NCF4: variants seen among roughly 807,000 people sequenced by gnomAD.
NCF4 encodes the protein neutrophil cytosolic factor 4.
NCF4 carries 30 observed loss-of-function variants against 41.7 expected under a neutral mutation model. The observed-to-expected ratio is 0.72, with a 90% CI of 0.54 to 0.97. The LOEUF (loss-of-function observed/expected upper bound fraction) is 0.97. Ranked by LOEUF, NCF4 falls within the 50% of genes least tolerant of loss-of-function variation. NCF4 has a pLI of 0.00. For synonymous variants in NCF4, 195 were observed against 175.8 expected (o/e 1.11, Z -0.87); for missense variants, 432 against 460.9 (o/e 0.94, Z 0.57).
chr22:36,866,816 A>T (rs1939938066), intron 3 of NCF4, among the ~76,000 whole-genome samples: 1 of 152,156 alleles, frequency 6.6e-6, no homozygotes, highest in Non-Finnish European at 1.5e-5. Context: ...AGCTTGAGGA[A>T]TTGTTCATTC....
At chr22:36,867,995 G>A (rs1006200521) in intron 4 of NCF4, among the ~76,000 whole-genome samples, 3 of 152,328 alleles carry the variant, frequency 2.0e-5, no homozygotes, top group South Asian at 2.1e-4. Context: ...ATGGGTCTTG[G>A]CTGGGGGCCC....
intron 7 of NCF4, among the ~76,000 whole-genome samples, chr22:36,872,777 G>A (rs796430587): frequency 4.6e-5 from 5 of 107,584 alleles, no homozygotes; most frequent in African/African-American, 1.4e-4. Flanking sequence ...GTGGAGATGA[G>A]GGTGAAGGTG....
At chr22:36,875,006 G>A (rs1019133609) in intron 7 of NCF4, among the ~76,000 whole-genome samples, 80 of 152,266 alleles carry the variant, frequency 5.3e-4, no homozygotes, top group African/African-American at 1.8e-3. Flanking sequence ...CTCCGTGGGG[G>A]CAAGGACTTA....
intron 9 of NCF4, 123 bp downstream of exon 9, chr22:36,876,217 C>T (rs989204061): frequency 6.1e-5 from 62 of 1,014,912 alleles, no homozygotes; most frequent in African/African-American, 2.4e-4. Flanking sequence ...TCTTTTTATC[C>T]GCAGCCCAGC....
At chr22:36,870,245 A>G (rs1940020690) in intron 4 of NCF4, 170 bp from the exon 5 acceptor site, 5 of 943,928 alleles carry the variant, frequency 5.3e-6, no homozygotes, top group Non-Finnish European at 8.2e-6. Context: ...TGTTACCTTC[A>G]GCATGCTGAG....
intron 5 of NCF4, 67 bp downstream of exon 5, chr22:36,870,609 T>G (rs1236112872): frequency 1.7e-5 from 27 of 1,583,000 alleles, no homozygotes; most frequent in Non-Finnish European, 2.1e-5. Context: ...AAGCATCTCT[T>G]TTCCCTGAAA....
chr22:36,872,201 G>T, intron 6 of NCF4, 126 bp from the exon 7 acceptor site: 1 of 828,368 alleles, frequency 1.2e-6, no homozygotes, highest in Non-Finnish European at 2.1e-6. Flanking sequence ...CCTCAGAGAA[G>T]TCGCTTATTC....
rs887093908 is a variant in NCF4 at position 36,861,110 on chromosome 22, G to C, written c.-62G>C. On this transcript the variant is annotated 5_prime_UTR_variant, in exon 1 of 10. Transcript: ENST00000248899. ...AGGGTGGCTGGAGGAAGTGAGAGGT[G>C]AACTCAGCCTGGGACTGGCTGGGCG... 6.5e-7 allele frequency: 1 copy of C among 1,546,796 alleles called. No homozygotes were observed. The highest frequency in any genetic ancestry group is 1.2e-5 in the South Asian group (1 of 83,956).
chr22:36,872,461 G>C, intron 7 of NCF4, 36 bp downstream of exon 7: 1 of 1,482,376 alleles, frequency 6.7e-7, no homozygotes, highest in Non-Finnish European at 9.3e-7. Context: ...TGAGATTGAA[G>C]GTGAGGTTGG....
At position 36,865,823 on chromosome 22, in the gene NCF4, T is replaced by C. The variant is rs1437163195; in HGVS notation, c.271+751T>C. Among the ~76,000 whole-genome samples the C allele has an allele frequency of 6.6e-6, 1 of 152,024 alleles. No homozygotes were observed. Among genetic ancestry groups the C allele is most frequent in the East Asian group, 1.9e-4 (1 of 5,176 alleles). ...CCCCATCTCCAGTTTGTTTTTTCTG[T>C]CTCTGTTTCTGTCTCTCTCTGTCTC... is the stretch of plus-strand genomic sequence containing the variant. On this transcript the variant is annotated intron_variant, in intron 3 of 9. Transcript: ENST00000248899. The surrounding 1 kb of genome is among the most constrained non-coding windows in gnomAD (Gnocchi z 4.3).
chr22:36,872,042 G>A, intron 6 of NCF4: 1 of 672,850 alleles, frequency 1.5e-6, no homozygotes, highest in Non-Finnish European at 2.7e-6. Context: ...AGCCCACGAT[G>A]AAGCCTGGGG....
At chr22:36,870,641 C>T in intron 5 of NCF4, 99 bp downstream of exon 5, 1 of 1,487,778 alleles carries the variant, frequency 6.7e-7, no homozygotes. Flanking sequence ...AAATACAGAT[C>T]AGCCATATCC....
chr22:36,863,914 T>A, intron 1 of NCF4, 131 bp from the exon 2 acceptor site: 1 of 867,362 alleles, frequency 1.2e-6, no homozygotes, highest in Non-Finnish European at 2.0e-6. Flanking sequence ...GGACCTGGCC[T>A]GGGAAGGGGT....
At chr22:36,861,755 C>A (rs1176937004) in intron 1 of NCF4, among the ~76,000 whole-genome samples, 1 of 152,170 alleles carries the variant, frequency 6.6e-6, no homozygotes, top group East Asian at 1.9e-4. Flanking sequence ...CGTTGGCTCC[C>A]CCATGAGAAG....
rs763670860 is a variant in NCF4 at position 36,865,109 on chromosome 22, C to T, written c.271+37C>T. The T allele has an allele frequency of 1.2e-5, 19 of 1,602,454 alleles. No individual in the cohort carries two copies. Among genetic ancestry groups the T allele is most frequent in the Non-Finnish European group, 1.6e-5 (19 of 1,179,464 alleles). On this transcript the variant is annotated intron_variant, in intron 3 of 9. Transcript: ENST00000248899. The surrounding 1 kb of genome is among the most constrained non-coding windows in gnomAD (Gnocchi z 4.3). The stretch of plus-strand genomic sequence containing the variant: ...CTCCCGTCCTGCTGCTGCAGAGCTG[C>T]TGACTCTCCTTCCTTCCAGGGCCCC...
rs1940054281 is a variant in NCF4 at position 36,871,535 on chromosome 22, A to G, written c.471-117A>G. On this transcript the variant is annotated intron_variant, in intron 5 of 9. Coordinates refer to ENST00000248899, the MANE Select transcript of NCF4 (RefSeq NM_000631.5). ...GGAGCAATTGCAGCCACATTTCAGC[A>G]TCTTCTGTCTCCTCTGCCTTCCCTG... The G allele has an allele frequency of 1.1e-5, 13 of 1,162,746 alleles. No homozygotes were observed. The East Asian group carries it at 3.1e-4, about 28-fold the overall frequency. 72.0% of individuals were successfully genotyped at this position (1,162,746 alleles called of 1,614,324 possible).
At chr22:36,872,264 G>C (rs757909025) in intron 6 of NCF4, 63 bp from the exon 7 acceptor site, 2 of 1,257,734 alleles carry the variant, frequency 1.6e-6, no homozygotes, top group Non-Finnish European at 2.3e-6. Context: ...AGTATGTAAG[G>C]CACTTCTATA....
intron 4 of NCF4, among the ~76,000 whole-genome samples, chr22:36,868,384 G>A (rs1336736004): frequency 6.6e-6 from 1 of 152,280 alleles, no homozygotes; most frequent in Non-Finnish European, 1.5e-5. Flanking sequence ...TATCACAGGA[G>A]TGAAGTTGGG....
rs751507562 is a variant in NCF4 at position 36,871,663 on chromosome 22, C to T, written c.482C>T (p.Ser161Phe). The change falls in exon 6 of 10, where the codon TCC becomes TTC. Residue 161 changes from serine to phenylalanine, a missense_variant. By Grantham distance (155) the Ser-to-Phe change is radical (BLOSUM62 -2). Transcript: ENST00000248899. ...TTCTCTCTCCACAGCAAGAGCGTGT[C>T]CCCACAGGGCAACAGCGTTGACCGC... ...RPRTRKVKSV[S>F]PQGNSVDRMA... 2 of 1,570,538 alleles carry T rather than the reference C, an allele frequency of 1.3e-6. No homozygotes were observed. The highest frequency in any genetic ancestry group is 1.7e-6 in the Non-Finnish European group (2 of 1,156,876).
Sources: allele counts gnomAD v4.1 joint callset (sites outside exome capture counted in the v4.1 genomes callset), GRCh38; gene constraint gnomAD v4.1.1; non-coding constraint Gnocchi (gnomAD v3.1); transcripts MANE v1.5; gene names NCBI Gene and HGNC (gene_info 2026-07-23, HGNC 2026-07-21).